ABCB11: variants seen among roughly 807,000 people sequenced by gnomAD.
The protein encoded by ABCB11 is ATP binding cassette subfamily B member 11, also known as bile salt export pump.
A neutral mutation model predicts 148.0 loss-of-function variants in ABCB11; 95 were observed. The observed-to-expected ratio is 0.64, with a 90% CI of 0.54 to 0.76. ABCB11 has a LOEUF of 0.76. Among genes scored for constraint, ABCB11 ranks in the 30% least tolerant of loss-of-function variants. The pLI is 0.00. For missense variants in ABCB11, 1,523 were observed against 1,617.8 expected (o/e 0.94, Z 1.01); for synonymous variants, 591 against 555.4 (o/e 1.06, Z -0.90).
intron 5 of ABCB11, among the ~76,000 whole-genome samples, chr2:169,000,172 G>A (rs1251562213): frequency 6.6e-6 from 1 of 151,884 alleles, no homozygotes; most frequent in Non-Finnish European, 1.5e-5. Flanking sequence ...TTTTAACACT[G>A]AGTTTTGAGA....
At chr2:169,010,561 C>T (rs1695150284) in intron 5 of ABCB11, among the ~76,000 whole-genome samples, 1 of 152,114 alleles carries the variant, frequency 6.6e-6, no homozygotes, top group Non-Finnish European at 1.5e-5. Flanking sequence ...AAGGCTAATA[C>T]ATCTATTGTA....
chr2:169,010,292 T>G (rs185693958), intron 5 of ABCB11, among the ~76,000 whole-genome samples: 10 of 152,200 alleles, frequency 6.6e-5, no homozygotes, highest in African/African-American at 1.7e-4. Flanking sequence ...TCCTATTCCT[T>G]CATCTGCTTT....
Position 168,970,336 on chromosome 2 carries a change from C to T in ABCB11, c.1639-121G>A, listed in dbSNP as rs1239839831. ...CAAGCACGAATTTTCACTGCTCCGA[C>T]TTCCACTGAAAGAAATATCCCTTCC... On this transcript the variant is annotated intron_variant, in intron 14 of 27. Transcript: ENST00000650372. 1.9e-6 allele frequency: 3 copies of T among 1,540,692 alleles called. No individual in the cohort carries two copies. In the South Asian group the frequency reaches 3.6e-5, roughly 18 times the overall value.
chr2:168,943,341 T>A (rs1559190046), intron 21 of ABCB11, among the ~76,000 whole-genome samples: 1 of 151,898 alleles, frequency 6.6e-6, no homozygotes, highest in South Asian at 2.1e-4. Flanking sequence ...ACTGATTGAG[T>A]GATTACATTT....
chr2:168,988,375 C>T (rs1573945106), intron 9 of ABCB11, among the ~76,000 whole-genome samples: 1 of 152,006 alleles, frequency 6.6e-6, no homozygotes. Flanking sequence ...CTGTGCCTGG[C>T]TTATTTCACT....
At chr2:169,003,939 G>A (rs1004964778) in intron 5 of ABCB11, among the ~76,000 whole-genome samples, 2 of 152,214 alleles carry the variant, frequency 1.3e-5, no homozygotes, top group South Asian at 4.1e-4. Flanking sequence ...CAAAATTCTT[G>A]GCTGATAATT....
chr2:168,973,597 A>C, intron 13 of ABCB11, 118 bp downstream of exon 13: 1 of 1,268,782 alleles, frequency 7.9e-7, no homozygotes, highest in Non-Finnish European at 1.1e-6. Context: ...CAAATCATTA[A>C]GTTAACTATG....
intron 21 of ABCB11, among the ~76,000 whole-genome samples, chr2:168,941,583 G>T (rs1356635693): frequency 6.6e-6 from 1 of 152,070 alleles, no homozygotes; most frequent in Admixed American, 6.6e-5. Flanking sequence ...GGTTTCTTGA[G>T]ATGAAATCCA....
At chr2:168,979,844 T>G in intron 11 of ABCB11, 22 bp downstream of exon 11, 15 of 1,296,258 alleles carry the variant, frequency 1.2e-5, no homozygotes, top group East Asian at 2.6e-5. Flanking sequence ...GTTAATGGCC[T>G]TTACTTTTGG....
At chr2:168,978,132 CTTTTTTTTTTTT>C (rs35964117) in intron 11 of ABCB11, among the ~76,000 whole-genome samples, 17 of 53,130 alleles carry the variant, frequency 3.2e-4, no homozygotes, top group Admixed American at 6.4e-4. Context: ...AATAAATTGA[CTTTTTTTTTTTT>C]TTTTTTTTTT....
intron 21 of ABCB11, among the ~76,000 whole-genome samples, chr2:168,944,196 G>A (rs569101312): frequency 1.3e-5 from 2 of 152,124 alleles, no homozygotes; most frequent in Admixed American, 6.6e-5. Flanking sequence ...AGGCTGCCCA[G>A]GACAGCTTCT....
chr2:168,995,358 C>A lies in ABCB11; in HGVS notation c.602G>T (p.Arg201Ile). ...TTTACCAGCTACTTACTCAGAGAAT[C>A]TTGTATTCAGCTCCCCCACTGAATT... ...DCNSVGELNT[R>I]FSDDINKIND... The change falls in exon 7 of 28, where the codon AGA becomes ATA. Residue 201 changes from arginine to isoleucine, a missense_variant. Arg to Ile is a moderately conservative substitution (Grantham distance 97, BLOSUM62 -3). Coordinates refer to ENST00000650372, the MANE Select transcript of ABCB11 (RefSeq NM_003742.4). The A allele has an allele frequency of 6.2e-7, 1 of 1,611,992 alleles. No individual in the cohort carries two copies. The highest frequency in any genetic ancestry group is 8.5e-7 in the Non-Finnish European group (1 of 1,178,718).
rs747367003 is a variant in ABCB11 at position 168,935,454 on chromosome 2, A to G, written c.2815-29T>C. The G allele has an allele frequency of 6.9e-6, 11 of 1,593,976 alleles. No homozygotes were observed. The African/African-American group carries it at 1.5e-4, about 21-fold the overall frequency. ...AAGATTGAAAAAGAGTCTTAGGAATACAAGGGCAGAAATAACTCCTTTCGT... is the reference window on the plus strand; with the variant it reads ...AAGATTGAAAAAGAGTCTTAGGAATGCAAGGGCAGAAATAACTCCTTTCGT... On this transcript the variant is annotated intron_variant, in intron 22 of 27. Coordinates refer to ENST00000650372, the MANE Select transcript of ABCB11 (RefSeq NM_003742.4).
intron 5 of ABCB11, among the ~76,000 whole-genome samples, chr2:168,999,202 C>G (rs929058537): frequency 6.6e-6 from 1 of 151,490 alleles, no homozygotes; most frequent in African/African-American, 2.4e-5. Context: ...GATAAAGAGA[C>G]GTTTTACAAA....
Position 168,927,278 on chromosome 2 carries a change from A to T in ABCB11, c.3496T>A (p.Phe1166Ile). 6.2e-7 allele frequency: 1 copy of T among 1,613,922 alleles called. No individual in the cohort carries two copies. The highest frequency in any genetic ancestry group is 1.1e-5 in the South Asian group (1 of 91,072). ...ATATTGTCCATTATGCTACAGGCAA[A>T]CAACACTGGTTCCTGGGAAACAATT... ...IGIVSQEPVL[F>I]ACSIMDNIKY... Residue 1166 changes from phenylalanine (F) to isoleucine (I), a missense_variant, in exon 26 of 28, where the codon TTT (phenylalanine) becomes ATT (isoleucine). Phe to Ile is a conservative substitution (Grantham distance 21, BLOSUM62 0). Transcript: ENST00000650372.
intron 10 of ABCB11, among the ~76,000 whole-genome samples, chr2:168,981,287 G>A (rs1694128318): frequency 1.3e-5 from 2 of 152,050 alleles, no homozygotes; most frequent in Admixed American, 6.6e-5. Context: ...ATACATGGGT[G>A]GTGGGTTAGT....
rs758565970 is a variant in ABCB11 at position 168,935,433 on chromosome 2, T to C, written c.2815-8A>G. 2 of 1,605,688 alleles carry C rather than the reference T, an allele frequency of 1.2e-6. No individual in the cohort carries two copies. Among genetic ancestry groups the C allele is most frequent in the South Asian group, 1.1e-5 (1 of 90,090 alleles). On this transcript the variant is annotated splice_region_variant and splice_polypyrimidine_tract_variant and intron_variant, in intron 22 of 27. Coordinates refer to ENST00000650372, the MANE Select transcript of ABCB11 (RefSeq NM_003742.4). ...GAGGGCTTCATTTGTAATCTGAAGA[T>C]TGAAAAAGAGTCTTAGGAATACAAG...
exon 3 of ABCB11, among the ~76,000 whole-genome samples, chr2:168,915,508 A>G (rs1025935789): frequency 4.6e-5 from 7 of 152,236 alleles, no homozygotes; most frequent in African/African-American, 1.7e-4. Context: ...CAAAAAAACT[A>G]CTTCAGTGGC....
At chr2:169,029,907 A>AT (rs1695814391) in intron 1 of ABCB11, among the ~76,000 whole-genome samples, 3 of 143,856 alleles carry the variant, frequency 2.1e-5, no homozygotes, top group Admixed American at 1.4e-4. Flanking sequence ...CGCCCGGCTA[A>AT]TTTTTTGTAT....
Sources: gnomAD v4.1 joint callset for allele counts (sites outside exome capture counted in the v4.1 genomes callset) on GRCh38, gnomAD v4.1.1 for gene constraint, MANE v1.5 for transcripts, NCBI Gene and HGNC (gene_info 2026-07-23, HGNC 2026-07-21) for gene names.